Variants in ADAMTS2 observed in about 807,000 individuals in gnomAD.
ADAMTS2 encodes the protein A disintegrin and metalloproteinase with thrombospondin motifs 2.
ADAMTS2 carries 50 observed loss-of-function variants against 123.0 expected under a neutral mutation model. The ratio of observed to expected loss-of-function variants is 0.41; its 90% confidence interval spans 0.32 to 0.51. The LOEUF is 0.51. Among genes scored for constraint, ADAMTS2 ranks in the 20% least tolerant of loss-of-function variants. The pLI is 0.35. For synonymous variants in ADAMTS2, 678 were observed against 695.4 expected (o/e 0.98, Z 0.39); for missense variants, 1,494 against 1,705.2 (o/e 0.88, Z 2.18).
At chr5:179,339,150 G>A (rs2127461902) in intron 2 of ADAMTS2, among the ~76,000 whole-genome samples, 1 of 152,270 alleles carries the variant, frequency 6.6e-6, no homozygotes, top group East Asian at 1.9e-4. Context: ...CAGAGTTTGG[G>A]AGTCTGTCCC....
At chr5:179,212,797 G>A (rs1194181049) in intron 3 of ADAMTS2, among the ~76,000 whole-genome samples, 2 of 151,980 alleles carry the variant, frequency 1.3e-5, no homozygotes, top group African/African-American at 4.8e-5. Flanking sequence ...CAAGTGCAGT[G>A]GGCAGGTGTG....
At chr5:179,276,519 A>C (rs28692855) in intron 2 of ADAMTS2, among the ~76,000 whole-genome samples, 149,681 of 152,238 alleles carry the variant, frequency 0.98, 73,626 homozygotes, top group Middle Eastern at 1. Context: ...TACATGAGGC[A>C]GGTCATTTCC....
Position 179,117,690 on chromosome 5 carries a change from A to T in ADAMTS2, c.3179-3366T>A, listed in dbSNP as rs1427950319. Among the ~76,000 whole-genome samples, 1 of 151,886 alleles carries T rather than the reference A, an allele frequency of 6.6e-6. No homozygotes were observed. Among genetic ancestry groups the T allele is most frequent in the African/African-American group, 2.4e-5 (1 of 41,322 alleles). ...GTAGCTGGGACTACAGGTGCGTGCC[A>T]CCATGCCCGGCTAATTTTTGTATTT... is the stretch of plus-strand genomic sequence containing the variant. On this transcript the variant is annotated intron_variant, in intron 21 of 21. Coordinates refer to ENST00000251582, the MANE Select transcript of ADAMTS2 (RefSeq NM_014244.5). This position sits in a 1 kb window ranked among gnomAD's most constrained non-coding sequence, Gnocchi z 4.2.
At chr5:179,165,951 C>A (rs769405347) in intron 5 of ADAMTS2, among the ~76,000 whole-genome samples, 4 of 152,138 alleles carry the variant, frequency 2.6e-5, no homozygotes, top group Non-Finnish European at 5.9e-5. Flanking sequence ...AGAGGCTGAT[C>A]GGATCCTCTA....
chr5:179,285,778 A>T lies in ADAMTS2; in HGVS notation c.535-12714T>A, dbSNP rs537976420. Reference sequence around the variant, plus strand: ...AAAGAAGAAAAATGACTCGTGCTGCAGGAACATTTGCCAAACTATCAAAAA... The same window carrying T: ...AAAGAAGAAAAATGACTCGTGCTGCTGGAACATTTGCCAAACTATCAAAAA... On this transcript the variant is annotated intron_variant, in intron 2 of 21. Transcript: ENST00000251582. The surrounding 1 kb of genome is among the most constrained non-coding windows in gnomAD (Gnocchi z 4.9). Among the ~76,000 whole-genome samples the T allele has an allele frequency of 2.6e-5, 4 of 152,264 alleles. No homozygotes were observed. Among genetic ancestry groups the T allele is most frequent in the African/African-American group, 9.6e-5 (4 of 41,482 alleles).
At chr5:179,316,683 C>T (rs1280266581) in intron 2 of ADAMTS2, among the ~76,000 whole-genome samples, 3 of 152,204 alleles carry the variant, frequency 2.0e-5, no homozygotes, top group East Asian at 3.8e-4. Context: ...GTGGTGTACA[C>T]CTATAATTCC....
chr5:179,121,785 C>A, intron 20 of ADAMTS2, 35 bp from the exon 21 acceptor site: 1 of 1,472,524 alleles, frequency 6.8e-7, no homozygotes, highest in Non-Finnish European at 9.1e-7. Flanking sequence ...GGCCGCAGGG[C>A]ACCAGGCTGG....
chr5:179,137,243 T>C (rs749118720), intron 12 of ADAMTS2, among the ~76,000 whole-genome samples: 174 of 152,336 alleles, frequency 1.1e-3, no homozygotes, highest in Non-Finnish European at 1.7e-3. Context: ...TTACAGTCCG[T>C]CCCAGGAGGG....
intron 5 of ADAMTS2, among the ~76,000 whole-genome samples, chr5:179,167,321 ACGCACCCGGCGCCCAGACTCCGCGGC>A (rs1763721787): frequency 2.0e-5 from 3 of 151,806 alleles, no homozygotes; most frequent in Non-Finnish European, 1.5e-5. Context: ...CGGGCCGGGG[ACGCACCCGGCGCCCAGACTCCGCGGC>A]CGCACCCGGG....
chr5:179,266,740 A>G (rs1766381775), intron 3 of ADAMTS2, among the ~76,000 whole-genome samples: 1 of 152,192 alleles, frequency 6.6e-6, no homozygotes, highest in South Asian at 2.1e-4. Context: ...CCCCCAACAA[A>G]GCACACGGCC....
In ADAMTS2 at chr5:179,221,824, C is replaced by G. The variant is rs187829447; in HGVS notation, c.689-14109G>C. Among the ~76,000 whole-genome samples the G allele has an allele frequency of 2.8e-3, 427 of 152,308 alleles. 1 individual carries two copies. Among genetic ancestry groups the G allele is most frequent in the African/African-American group, 9.7e-3 (404 of 41,564 alleles). ...CTCCCAGTGAGTGTCAGGGACCTCC[C>G]TTTCCCCTCAGGCTGCTGGGCCCCC... On this transcript the variant is annotated intron_variant, in intron 3 of 21. Transcript: ENST00000251582.
intron 2 of ADAMTS2, among the ~76,000 whole-genome samples, chr5:179,283,952 A>ATTATTG (rs1755920354): frequency 1.1e-5 from 1 of 90,984 alleles, no homozygotes; most frequent in Non-Finnish European, 2.2e-5. Context: ...GATGATTATT[A>ATTATTG]TTATTATTAT....
In ADAMTS2 at chr5:179,260,201, G is replaced by A. The variant is rs1454021498; in HGVS notation, c.688+12710C>T. On this transcript the variant is annotated intron_variant, in intron 3 of 21. Transcript: ENST00000251582. This position sits in a 1 kb window ranked among gnomAD's most constrained non-coding sequence, Gnocchi z 4.2. ...AGCCCTGACACTGTGGCAACAACAGGAGGCGTCAGTGCCAAGCCCTCCAAT... is the reference window on the plus strand; with the variant it reads ...AGCCCTGACACTGTGGCAACAACAGAAGGCGTCAGTGCCAAGCCCTCCAAT... Among the ~76,000 whole-genome samples the A allele has an allele frequency of 6.6e-6, 1 of 152,148 alleles. No individual in the cohort carries two copies. Among genetic ancestry groups the A allele is most frequent in the African/African-American group, 2.4e-5 (1 of 41,422 alleles).
intron 3 of ADAMTS2, among the ~76,000 whole-genome samples, chr5:179,271,815 T>C (rs1180818540): frequency 6.6e-6 from 1 of 152,218 alleles, no homozygotes; most frequent in Non-Finnish European, 1.5e-5. Context: ...CTGTACCCAA[T>C]TTTTCTGTCA....
chr5:179,130,763 C>T lies in ADAMTS2; in HGVS notation c.2291-665G>A, dbSNP rs554655763. Among the ~76,000 whole-genome samples, 23 of 152,228 alleles carry T rather than the reference C, an allele frequency of 1.5e-4. No individual in the cohort carries two copies. Among genetic ancestry groups the T allele is most frequent in the African/African-American group, 5.3e-4 (22 of 41,548 alleles). On this transcript the variant is annotated intron_variant, in intron 15 of 21. Transcript: ENST00000251582. The surrounding 1 kb of genome is among the most constrained non-coding windows in gnomAD (Gnocchi z 4.3). ...TGTGAGTGGGGCCGCAGACAGGGCA[C>T]TAGTGAGAAAATCATTCCCTGTCAC...
At position 179,129,954 on chromosome 5, in the gene ADAMTS2, AG is replaced by A; in HGVS notation, c.2434del (p.Leu812SerfsTer19). The part of the protein sequence containing the change: ...GRETLQTMGP[L>X]HGTITVLVIP... ...CACCAGAACGGTGATGGTGCCGTGG[AG>A]GGGGCCCATGGTCTGCAGCGTCTCC... On this transcript the variant is annotated frameshift_variant, in exon 16 of 22. Coordinates refer to ENST00000251582, the MANE Select transcript of ADAMTS2 (RefSeq NM_014244.5). LOFTEE classifies it high-confidence loss of function. This position sits in a 1 kb window ranked among gnomAD's most constrained non-coding sequence, Gnocchi z 4.1. The A allele has an allele frequency of 6.2e-7, 1 of 1,613,848 alleles. No individual in the cohort carries two copies. Among genetic ancestry groups the A allele is most frequent in the Non-Finnish European group, 8.5e-7 (1 of 1,180,000 alleles).
chr5:179,168,004 G>T (rs1561787175), intron 5 of ADAMTS2, among the ~76,000 whole-genome samples: 2 of 152,224 alleles, frequency 1.3e-5, no homozygotes. Flanking sequence ...CCATCCCAGA[G>T]GGGCCCTCCT....
chr5:179,328,529 TG>T (rs1340175593), intron 2 of ADAMTS2, among the ~76,000 whole-genome samples: 1 of 152,230 alleles, frequency 6.6e-6, no homozygotes, highest in Non-Finnish European at 1.5e-5. Flanking sequence ...AGGTCAACCA[TG>T]GGTATCAAGT....
chr5:179,113,493 A>C lies in ADAMTS2; in HGVS notation c.*374T>G. 2 of 300,768 alleles carry C rather than the reference A, an allele frequency of 6.6e-6. No individual in the cohort carries two copies. Among genetic ancestry groups the C allele is most frequent in the Non-Finnish European group, 6.4e-6 (1 of 157,284 alleles). The allele number at this position is 300,768 out of a possible 1,614,324, so 18.6% of individuals were successfully genotyped here. A position where few individuals can be genotyped will look rare whatever the true frequency, so the allele number is the denominator to read the frequency against. On this transcript the variant is annotated 3_prime_UTR_variant, in exon 22 of 22. Coordinates refer to ENST00000251582, the MANE Select transcript of ADAMTS2 (RefSeq NM_014244.5). ...GGCTGTGTCTGGGGATCGGTAGGGA[A>C]TGTCATGCATCTCCGCCAAGGAAAG...
Sources: allele counts gnomAD v4.1 joint callset (sites outside exome capture counted in the v4.1 genomes callset), GRCh38; gene constraint gnomAD v4.1.1; non-coding constraint Gnocchi (gnomAD v3.1); transcripts MANE v1.5; gene names NCBI Gene and HGNC (gene_info 2026-07-23, HGNC 2026-07-21).